The following RBM45 variants were observed in gnomAD, a reference collection of about 807,000 sequenced individuals.
RBM45 encodes the protein RNA binding motif protein 45.
Under a neutral mutation model 58.5 loss-of-function variants are expected in RBM45, and 39 were observed. The ratio of observed to expected loss-of-function variants is 0.67; its 90% CI spans 0.52 to 0.87. RBM45 has a LOEUF of 0.87. RBM45 is among the 40% of genes least tolerant of loss of function. The pLI, the probability that RBM45 is intolerant of heterozygous loss-of-function variation, is 0.00. For missense variants in RBM45, 481 were observed against 581.6 expected (o/e 0.83, Z 1.78); for synonymous variants, 193 against 203.0 (o/e 0.95, Z 0.42).
chr2:178,116,875 A>G (rs1450904282), intron 2 of RBM45, among the ~76,000 whole-genome samples: 1 of 152,074 alleles, frequency 6.6e-6, no homozygotes, highest in African/African-American at 2.4e-5. Flanking sequence ...GTGTGTTGAC[A>G]TGGTACTCAT....
intron 5 of RBM45, among the ~76,000 whole-genome samples, chr2:178,122,608 C>G (rs2087869792): frequency 1.3e-5 from 2 of 152,024 alleles, no homozygotes; most frequent in African/African-American, 4.8e-5. Context: ...TTTGTTCCCT[C>G]CCTTTTATCT....
In RBM45 at chr2:178,112,554, A is replaced by C. The variant is rs2087716143; in HGVS notation, c.8A>C (p.Glu3Ala). 1.2e-6 allele frequency: 2 copies of C among 1,613,070 alleles called. No homozygotes were observed. Among genetic ancestry groups the C allele is most frequent in the African/African-American group, 1.3e-5 (1 of 74,934 alleles). ...GCATTCGGGTGGAGCACCATGGACG[A>C]AGCTGGCAGCTCTGCGAGCGGCGGG... MD[E>A]AGSSASGGGF... The change falls in exon 1 of 10, where the codon GAA becomes GCA. Residue 3 changes from glutamate to alanine, a missense_variant. By Grantham distance (107) the Glu-to-Ala change is moderately radical (BLOSUM62 -1). Coordinates refer to ENST00000286070, the MANE Select transcript of RBM45 (RefSeq NM_152945.4).
chr2:178,134,171 A>G (rs562363144), downstream of RBM45, among the ~76,000 whole-genome samples: 1 of 152,300 alleles, frequency 6.6e-6, no homozygotes, highest in Admixed American at 6.5e-5. Flanking sequence ...TAGCTAACCT[A>G]GGCTATACCA....
At chr2:178,130,745 TCAAA>T (rs1462068779), downstream of RBM45, among the ~76,000 whole-genome samples, 1 of 152,330 alleles carries the variant, frequency 6.6e-6, no homozygotes, top group East Asian at 1.9e-4. Context: ...ACATTCTGAC[TCAAA>T]CGATGAAAGA....
intron 8 of RBM45, chr2:178,125,756 G>A (rs1431827691): frequency 6.0e-6 from 4 of 670,246 alleles, no homozygotes; most frequent in Non-Finnish European, 1.1e-5. Context: ...TCAGGGGTAA[G>A]GAAACTAGTG....
chr2:178,116,206 A>C, intron 1 of RBM45, 56 bp from the exon 2 acceptor site: 1 of 1,519,916 alleles, frequency 6.6e-7, no homozygotes, highest in East Asian at 2.4e-5. Context: ...AAAAAATTTA[A>C]GAAATGGGAA....
chr2:178,124,392 T>A, intron 8 of RBM45, 102 bp downstream of exon 8: 1 of 615,234 alleles, frequency 1.6e-6, no homozygotes, highest in Non-Finnish European at 2.5e-6. Flanking sequence ...AAGTAGAGAG[T>A]ATTAGTTCTC....
intron 3 of RBM45, among the ~76,000 whole-genome samples, chr2:178,119,869 A>G (rs1436216102): frequency 2.0e-5 from 3 of 152,350 alleles, no homozygotes; most frequent in South Asian, 4.1e-4. Flanking sequence ...GAGAATCTAA[A>G]TTAAAAACAG....
downstream of RBM45, among the ~76,000 whole-genome samples, chr2:178,134,571 T>G (rs2088030057): frequency 1.5e-5 from 1 of 68,370 alleles, no homozygotes; most frequent in Admixed American, 1.4e-4. Context: ...GCTTGCTCTG[T>G]TTTTTTTTGT....
chr2:178,138,243 AG>A (rs1226566562), exon 4 of RBM45: 1 of 152,154 alleles, frequency 6.6e-6, no homozygotes, highest in Non-Finnish European at 1.5e-5. Context: ...GTGCTTTAAA[AG>A]CTTTCTTTTA....
In RBM45 at chr2:178,123,504, G is replaced by T. The variant is rs142756594; in HGVS notation, c.854-18G>T. 1 of 1,545,072 alleles carries T rather than the reference G, an allele frequency of 6.5e-7. No homozygotes were observed. Among genetic ancestry groups the T allele is most frequent in the East Asian group, 2.3e-5 (1 of 44,236 alleles). On this transcript the variant is annotated intron_variant, in intron 5 of 9. Transcript: ENST00000286070. ...CAGTCTGCTTTCCTTTTTCATTTCT[G>T]TATGTTCTCTATTTTAGGTCATGGA...
chr2:178,138,029 G>A, exon 4 of RBM45: 1 of 152,080 alleles, frequency 6.6e-6, no homozygotes, highest in African/African-American at 2.4e-5. Flanking sequence ...GAAAAGAAAG[G>A]GAGAAGCTAA....
chr2:178,126,452 A>G (rs921022725), intron 9 of RBM45, among the ~76,000 whole-genome samples: 5 of 152,094 alleles, frequency 3.3e-5, no homozygotes, highest in African/African-American at 7.2e-5. Flanking sequence ...ACTTTTTATT[A>G]TGTGCTTATA....
chr2:178,125,968 T>C lies in RBM45; in HGVS notation c.1233-16T>C. 6.2e-7 allele frequency: 1 copy of C among 1,606,602 alleles called. No individual in the cohort carries two copies. The highest frequency in any genetic ancestry group is 8.5e-7 in the Non-Finnish European group (1 of 1,175,158). Reference sequence around the variant, plus strand: ...TTTATCAATTTTGGTTGATTATTTTTTTCACTTTGTTTCAGTCGTTTTGGT... The same window carrying C: ...TTTATCAATTTTGGTTGATTATTTTCTTCACTTTGTTTCAGTCGTTTTGGT... On this transcript the variant is annotated splice_polypyrimidine_tract_variant and intron_variant, in intron 8 of 9. Transcript: ENST00000286070.
intron 8 of RBM45, among the ~76,000 whole-genome samples, chr2:178,124,715 A>G (rs2087903566): frequency 6.6e-6 from 1 of 152,238 alleles, no homozygotes; most frequent in Non-Finnish European, 1.5e-5. Flanking sequence ...TTGGGAGGCT[A>G]AGGTGGCAGG....
chr2:178,124,337 T>A, intron 8 of RBM45, 47 bp downstream of exon 8: 1 of 1,192,100 alleles, frequency 8.4e-7, no homozygotes, highest in Non-Finnish European at 1.2e-6. Context: ...ACTAGTAATT[T>A]AATTATTCTT....
intron 1 of RBM45, among the ~76,000 whole-genome samples, 194 bp downstream of exon 1, chr2:178,113,040 G>T (rs2087726128): frequency 6.6e-6 from 1 of 152,208 alleles, no homozygotes; most frequent in Non-Finnish European, 1.5e-5. Context: ...CGGGTTGCAG[G>T]GAAGGGGACG....
At chr2:178,113,939 T>C (rs2087736995) in intron 1 of RBM45, among the ~76,000 whole-genome samples, 1 of 152,246 alleles carries the variant, frequency 6.6e-6, no homozygotes, top group Non-Finnish European at 1.5e-5. Context: ...TCTGGAGGTC[T>C]TGCTCCATCC....
At chr2:178,129,920 A>G (rs2087988506), downstream of RBM45, among the ~76,000 whole-genome samples, 1 of 152,198 alleles carries the variant, frequency 6.6e-6, no homozygotes, top group Non-Finnish European at 1.5e-5. Flanking sequence ...TACTCAATCT[A>G]TATATGCAGC....
Sources: allele counts gnomAD v4.1 joint callset (sites outside exome capture counted in the v4.1 genomes callset), GRCh38; gene constraint gnomAD v4.1.1; transcripts MANE v1.5; gene names NCBI Gene and HGNC (gene_info 2026-07-23, HGNC 2026-07-21).